ASCC3: variants seen among roughly 807,000 people sequenced by gnomAD.
ASCC3 encodes the protein ASC-1 complex subunit P200.
ASCC3 carries 158 observed loss-of-function variants against 256.3 expected under a neutral mutation model. The ratio of observed to expected loss-of-function variants is 0.62; its 90% CI spans 0.54 to 0.70. The LOEUF is 0.70. ASCC3 is among the 30% of genes least tolerant of loss of function. ASCC3 has a pLI of 0.00. For missense variants in ASCC3, 2,259 were observed against 2,626.0 expected, an observed-to-expected ratio of 0.86 and a Z score of 3.05; for synonymous variants, 948 against 883.4, an observed-to-expected ratio of 1.07 and a Z score of -1.30.
At chr6:100,623,793 T>C (rs1440286892) in intron 30 of ASCC3, among the ~76,000 whole-genome samples, 2 of 152,166 alleles carry the variant, frequency 1.3e-5, no homozygotes, top group East Asian at 3.8e-4. Flanking sequence ...TATCTATATT[T>C]AGATGTAGTA....
chr6:100,546,966 C>T (rs1410453195), intron 36 of ASCC3, among the ~76,000 whole-genome samples: 1 of 152,002 alleles, frequency 6.6e-6, no homozygotes, highest in African/African-American at 2.4e-5. Context: ...TATTTCCCAT[C>T]ATGATGGATT....
In ASCC3 at chr6:100,809,358, T is replaced by A. The variant is rs561908416; in HGVS notation, c.802-3478A>T. On this transcript the variant is annotated intron_variant, in intron 4 of 41. Coordinates refer to ENST00000369162, the MANE Select transcript of ASCC3 (RefSeq NM_006828.4). ...CCTTATTCTATAAGCTTTTTTCTAT[T>A]TTTAAAATTTTTATTTTTTCAACTT... is the stretch of plus-strand genomic sequence containing the variant. Among the ~76,000 whole-genome samples the A allele has an allele frequency of 2.0e-3, 302 of 152,138 alleles. 2 individuals are homozygous for A. Among genetic ancestry groups the A allele is most frequent in the Non-Finnish European group, 3.3e-3 (221 of 67,956 alleles).
intron 8 of ASCC3, among the ~76,000 whole-genome samples, chr6:100,785,163 T>C (rs190948235): frequency 1.6e-3 from 248 of 152,222 alleles, no homozygotes; most frequent in African/African-American, 5.7e-3. Flanking sequence ...GGAAATTAAG[T>C]CTTAGTAACA....
intron 36 of ASCC3, among the ~76,000 whole-genome samples, chr6:100,540,778 C>T (rs960062650): frequency 6.6e-6 from 1 of 151,928 alleles, no homozygotes. Flanking sequence ...GTTTGGGGGA[C>T]CTTCTTATTT....
chr6:100,559,759 T>C (rs1342011551), intron 36 of ASCC3, among the ~76,000 whole-genome samples: 2 of 151,772 alleles, frequency 1.3e-5, no homozygotes, highest in African/African-American at 2.4e-5. Flanking sequence ...GGCAGGAGAA[T>C]TGCTTGAACC....
Position 100,655,958 on chromosome 6 carries a change from C to A in ASCC3, c.2704-140G>T, listed in dbSNP as rs1182456423. The A allele has an allele frequency of 9.0e-6, 8 of 893,014 alleles. No individual in the cohort carries two copies. In the Admixed American group the frequency reaches 1.2e-4, roughly 14 times the overall value. The allele number at this position is 893,014 out of a possible 1,614,324, so 55.3% of individuals were successfully genotyped here. A position where few individuals can be genotyped will look rare whatever the true frequency, so the allele number is the denominator to read the frequency against. On this transcript the variant is annotated intron_variant, in intron 16 of 41. Transcript: ENST00000369162. ...TAAAAAGGTAGGCATAGTGACTGGA[C>A]ACAACACTTTGCCAATTAATTAAAA...
At chr6:100,679,206 T>C (rs570618842) in intron 14 of ASCC3, among the ~76,000 whole-genome samples, 4 of 148,600 alleles carry the variant, frequency 2.7e-5, no homozygotes, top group East Asian at 2.0e-4. Context: ...TTCCTTTACA[T>C]TGCTTAAAAA....
At chr6:100,701,160 T>C (rs2114999133) in intron 13 of ASCC3, among the ~76,000 whole-genome samples, 1 of 152,314 alleles carries the variant, frequency 6.6e-6, no homozygotes, top group East Asian at 1.9e-4. Flanking sequence ...AAACCAGAAA[T>C]ATTTGATTTA....
rs1773080398 is a variant in ASCC3 at position 100,608,189 on chromosome 6, T to C, written c.4786-1101A>G. ...ATACATATTTATATATGTGTGTGTA[T>C]ATATATACTTTATATATATACTTTA... On this transcript the variant is annotated intron_variant, in intron 30 of 41. Coordinates refer to ENST00000369162, the MANE Select transcript of ASCC3 (RefSeq NM_006828.4). Among the ~76,000 whole-genome samples, 2 of 106,508 alleles carry C rather than the reference T, an allele frequency of 1.9e-5. 1 individual carries two copies. Among genetic ancestry groups the C allele is most frequent in the Non-Finnish European group, 3.4e-5 (2 of 58,050 alleles). The allele number at this position is 106,508 out of a possible 152,430, so 69.9% of individuals were successfully genotyped here.
intron 4 of ASCC3, among the ~76,000 whole-genome samples, chr6:100,847,243 T>A (rs1038787056): frequency 3.3e-5 from 5 of 152,168 alleles, no homozygotes; most frequent in African/African-American, 1.2e-4. Flanking sequence ...TCAATTATGA[T>A]GAGCAAATAT....
rs901951408 is a variant in ASCC3, at chr6:100,604,376, TTTTC to T, written c.5177+1188_5177+1191del. ...TTTTCAGTTTATTAATTCTTACTCT[TTTTC>T]TTTCTTTGAGTTTAATTCGCTATTT... On this transcript the variant is annotated intron_variant, in intron 33 of 41. Coordinates refer to ENST00000369162, the MANE Select transcript of ASCC3 (RefSeq NM_006828.4). 3.6e-4 allele frequency among the ~76,000 whole-genome samples: 55 copies of T among 152,042 alleles called. 1 individual carries two copies. Among genetic ancestry groups the T allele is most frequent in the African/African-American group, 1.2e-3 (51 of 41,434 alleles).
chr6:100,822,960 T>C lies in ASCC3; in HGVS notation c.802-17080A>G, dbSNP rs138991898. On this transcript the variant is annotated intron_variant, in intron 4 of 41. Coordinates refer to ENST00000369162, the MANE Select transcript of ASCC3 (RefSeq NM_006828.4). ...TACTTCTAGGAAACCACCAGTATAT[T>C]TGGAAGATAACTTCTAGTGCCAAGT... Among the ~76,000 whole-genome samples, 60 of 152,284 alleles carry C rather than the reference T, an allele frequency of 3.9e-4. 1 individual carries two copies. Among genetic ancestry groups the C allele is most frequent in the African/African-American group, 1.4e-3 (59 of 41,562 alleles).
At chr6:100,642,465 A>G in intron 24 of ASCC3, 116 bp downstream of exon 24, 1 of 1,055,200 alleles carries the variant, frequency 9.5e-7, no homozygotes, top group Non-Finnish European at 1.4e-6. Context: ...AGGGAGTTAT[A>G]GAGAAGTTAT....
chr6:100,647,658 G>C (rs1775449926), intron 20 of ASCC3, among the ~76,000 whole-genome samples: 1 of 151,968 alleles, frequency 6.6e-6, no homozygotes, highest in East Asian at 1.9e-4. Flanking sequence ...GATGCTACTT[G>C]CTTACTCTCA....
At chr6:100,858,389 C>G (rs1773062549) in intron 3 of ASCC3, 1 of 265,766 alleles carries the variant, frequency 3.8e-6, no homozygotes, top group Non-Finnish European at 5.8e-6. Flanking sequence ...GCATTTGTGT[C>G]TAATTCCGTA....
rs1773630436 is a variant in ASCC3, at chr6:100,509,074, T to C, written c.*312A>G. ...TCCATGTAAACAGTACATTGTGAGATGTAAAATTTGATTGATAGCTCCTAA... is the reference window on the plus strand; with the variant it reads ...TCCATGTAAACAGTACATTGTGAGACGTAAAATTTGATTGATAGCTCCTAA... On this transcript the variant is annotated 3_prime_UTR_variant, in exon 42 of 42. Coordinates refer to ENST00000369162, the MANE Select transcript of ASCC3 (RefSeq NM_006828.4). The C allele has an allele frequency of 8.1e-6, 3 of 368,518 alleles. No individual in the cohort carries two copies. The highest frequency in any genetic ancestry group is 4.0e-5 in the Admixed American group (1 of 25,154). The allele number at this position is 368,518 out of a possible 1,614,324, so 22.8% of individuals were successfully genotyped here.
At chr6:100,675,333 G>C (rs1182961467) in intron 14 of ASCC3, among the ~76,000 whole-genome samples, 1 of 152,130 alleles carries the variant, frequency 6.6e-6, no homozygotes, top group East Asian at 1.9e-4. Context: ...GTAAGAGAAA[G>C]AGGGCTATTA....
intron 23 of ASCC3, 68 bp downstream of exon 23, chr6:100,643,963 A>G (rs1269443378): frequency 3.8e-6 from 4 of 1,044,194 alleles, no homozygotes; most frequent in Non-Finnish European, 4.3e-6. Context: ...GAGAAATAAA[A>G]GCAGAAACTG....
At position 100,602,307 on chromosome 6, in the gene ASCC3, T is replaced by C. The variant is rs538714513; in HGVS notation, c.5178-372A>G. Among the ~76,000 whole-genome samples, 3 of 152,162 alleles carry C rather than the reference T, an allele frequency of 2.0e-5. No individual in the cohort carries two copies. The East Asian group carries it at 5.8e-4, about 29-fold the overall frequency. On this transcript the variant is annotated intron_variant, in intron 33 of 41. Transcript: ENST00000369162. The stretch of plus-strand genomic sequence containing the variant: ...TTAGAATGTCACAAAAGTACTATTA[T>C]AATAATATTTTTCCAGATTAAGTTA...
Sources: gnomAD v4.1 joint callset for allele counts (sites outside exome capture counted in the v4.1 genomes callset) on GRCh38, gnomAD v4.1.1 for gene constraint, MANE v1.5 for transcripts, NCBI Gene and HGNC (gene_info 2026-07-23, HGNC 2026-07-21) for gene names.